Variants in KIFAP3 observed in about 807,000 individuals in gnomAD.
KIFAP3 encodes the protein kinesin associated protein 3.
Under a neutral mutation model 106.5 loss-of-function variants are expected in KIFAP3, and 68 were observed. That is an observed-to-expected ratio of 0.64 (90% CI 0.53 to 0.78). The LOEUF (loss-of-function observed/expected upper bound fraction) is 0.78, where lower values mean the gene tolerates loss of function less well. KIFAP3 is among the 30% of genes least tolerant of loss of function. The pLI is 0.00. For missense variants in KIFAP3, 780 were observed against 941.8 expected, an observed-to-expected ratio of 0.83 and a Z score of 2.25; for synonymous variants, 320 against 311.5, an observed-to-expected ratio of 1.03 and a Z score of -0.29.
chr1:169,957,171 A>T (rs886194183), intron 18 of KIFAP3, among the ~76,000 whole-genome samples: 2 of 152,224 alleles, frequency 1.3e-5, no homozygotes, highest in Non-Finnish European at 2.9e-5. Context: ...CTCCAAATAA[A>T]TCTAGGAGTG....
intron 18 of KIFAP3, among the ~76,000 whole-genome samples, chr1:169,955,328 T>G (rs1664951488): frequency 6.6e-6 from 1 of 152,194 alleles, no homozygotes; most frequent in African/African-American, 2.4e-5. Context: ...GAATTTTAGT[T>G]TAAGTGAAAT....
chr1:169,964,234 A>T (rs543487775), intron 17 of KIFAP3, among the ~76,000 whole-genome samples: 30 of 152,110 alleles, frequency 2.0e-4, no homozygotes, highest in Middle Eastern at 6.8e-3. Context: ...GTTAGCCATT[A>T]CCTTAATTAA....
intron 8 of KIFAP3, among the ~76,000 whole-genome samples, chr1:170,028,625 C>T (rs985331984): frequency 1.3e-4 from 20 of 152,094 alleles, no homozygotes; most frequent in Admixed American, 6.5e-4. Flanking sequence ...GTGTGAGCCA[C>T]GACATCTGGC....
intron 18 of KIFAP3, 142 bp downstream of exon 18, chr1:169,960,904 T>C (rs1278433022): frequency 3.1e-5 from 18 of 582,518 alleles, no homozygotes; most frequent in Non-Finnish European, 4.9e-5. Context: ...TTATTATATA[T>C]AGACGTTACA....
chr1:169,952,525 T>C (rs1394116216), intron 19 of KIFAP3, among the ~76,000 whole-genome samples: 1 of 152,050 alleles, frequency 6.6e-6, no homozygotes, highest in Non-Finnish European at 1.5e-5. Flanking sequence ...AGTTCAAATA[T>C]GAAAGGTATT....
intron 1 of KIFAP3, among the ~76,000 whole-genome samples, chr1:170,082,138 T>C (rs1214954485): frequency 6.6e-6 from 1 of 152,196 alleles, no homozygotes; most frequent in African/African-American, 2.4e-5. Context: ...TGCTCACAAA[T>C]GTTCATGGTA....
intron 1 of KIFAP3, among the ~76,000 whole-genome samples, chr1:170,084,531 G>A (rs537240756): frequency 6.6e-6 from 1 of 152,222 alleles, no homozygotes; most frequent in East Asian, 1.9e-4. Flanking sequence ...GTAGGATGCT[G>A]GCACAAAAGG....
chr1:170,021,824 T>C (rs942369042), intron 9 of KIFAP3, among the ~76,000 whole-genome samples: 1 of 152,012 alleles, frequency 6.6e-6, no homozygotes, highest in Non-Finnish European at 1.5e-5. Flanking sequence ...ACTAGACTAG[T>C]ATTTAACACA....
Position 170,031,981 on chromosome 1 carries a change from T to A in KIFAP3, c.746A>T (p.Asp249Val). 6.3e-7 allele frequency: 1 copy of A among 1,595,646 alleles called. No individual in the cohort carries two copies. The highest frequency in any genetic ancestry group is 2.2e-5 in the East Asian group (1 of 44,656). ...CAAGGTTTGGTTTTCAGGGTCTTCA[T>A]CAAGTAAACAACTTGTTAAGGATCA... The part of the protein sequence containing the change: ...EELSKKKKAV[D>V]EDPENQTLRK... The change falls in exon 8 of 20, where the codon GAT becomes GTT. Residue 249 changes from aspartate to valine, a missense_variant. Physicochemically the swap from Asp to Val is radical, Grantham distance 152. Around this residue, in one of 3 missense-constraint regions of KIFAP3, gnomAD observed 588 missense variants for 678.9 expected, o/e 0.87. Coordinates refer to ENST00000361580, the MANE Select transcript of KIFAP3 (RefSeq NM_014970.4).
chr1:169,953,777 G>C (rs1359563832), intron 19 of KIFAP3, among the ~76,000 whole-genome samples: 1 of 152,206 alleles, frequency 6.6e-6, no homozygotes, highest in Non-Finnish European at 1.5e-5. Flanking sequence ...GCCTCCCAAA[G>C]TGCTGGGATT....
chr1:170,031,456 T>C (rs528158561), intron 8 of KIFAP3, among the ~76,000 whole-genome samples: 136 of 151,818 alleles, frequency 9.0e-4, no homozygotes, highest in African/African-American at 3.1e-3. Context: ...AACCATACTA[T>C]TGAAGTTTTA....
intron 3 of KIFAP3, among the ~76,000 whole-genome samples, chr1:170,042,859 C>T (rs182666955): frequency 9.8e-5 from 15 of 152,328 alleles, no homozygotes; most frequent in African/African-American, 2.9e-4. Context: ...TGAGCTCACA[C>T]AGACCCACAT....
chr1:169,929,731 T>C (rs538636200), intron 19 of KIFAP3, among the ~76,000 whole-genome samples: 7 of 152,256 alleles, frequency 4.6e-5, no homozygotes, highest in Admixed American at 2.6e-4. Context: ...TTAAAGAATC[T>C]TATTCTTAAT....
chr1:170,058,337 A>G (rs1315708443), intron 1 of KIFAP3, among the ~76,000 whole-genome samples: 1 of 152,214 alleles, frequency 6.6e-6, no homozygotes, highest in Non-Finnish European at 1.5e-5. Flanking sequence ...GATTTACGCC[A>G]TAGAGCAAAT....
chr1:169,956,660 G>A (rs905455839), intron 18 of KIFAP3, among the ~76,000 whole-genome samples: 2 of 147,314 alleles, frequency 1.4e-5, no homozygotes, highest in East Asian at 2.0e-4. Context: ...TGTTGCATAG[G>A]CTGGAGTGCA....
intron 10 of KIFAP3, among the ~76,000 whole-genome samples, chr1:170,003,256 A>C (rs1390541076): frequency 6.6e-6 from 1 of 152,230 alleles, no homozygotes; most frequent in Non-Finnish European, 1.5e-5. Context: ...AACCAATAAC[A>C]AATAGACCAA....
intron 17 of KIFAP3, among the ~76,000 whole-genome samples, chr1:169,969,880 T>C (rs1241277668): frequency 1.3e-5 from 2 of 152,044 alleles, no homozygotes; most frequent in African/African-American, 4.8e-5. Context: ...AGGAACTTTG[T>C]ATTGTTGAGT....
intron 19 of KIFAP3, among the ~76,000 whole-genome samples, chr1:169,936,168 A>C (rs557492277): frequency 3.3e-5 from 5 of 149,894 alleles, no homozygotes; most frequent in African/African-American, 9.8e-5. Context: ...TGTCAGTGTT[A>C]AAAGAAGTTC....
chr1:170,030,469 C>G (rs1024187838), intron 8 of KIFAP3, among the ~76,000 whole-genome samples: 1 of 151,780 alleles, frequency 6.6e-6, no homozygotes, highest in Non-Finnish European at 1.5e-5. Flanking sequence ...GCCATTCCAT[C>G]ATTAGGTATT....
Sources: allele counts gnomAD v4.1 joint callset (sites outside exome capture counted in the v4.1 genomes callset), GRCh38; gene constraint gnomAD v4.1.1; regional missense constraint gnomAD v4.1.1; transcripts MANE v1.5; gene names NCBI Gene and HGNC (gene_info 2026-07-23, HGNC 2026-07-21).